SLC9A7: variants seen among roughly 807,000 people sequenced by gnomAD.
SLC9A7 encodes the protein solute carrier family 9 member A7.
A neutral mutation model predicts 52.6 loss-of-function variants in SLC9A7; 19 were observed. The ratio of observed to expected loss-of-function variants is 0.36; its 90% confidence interval spans 0.25 to 0.53. SLC9A7 has a LOEUF of 0.53. SLC9A7 is among the 20% of genes least tolerant of loss of function. The pLI is 0.91. For missense variants in SLC9A7, 455 were observed against 597.9 expected (o/e 0.76, Z 2.49); for synonymous variants, 226 against 252.1 (o/e 0.90, Z 0.98).
At chrX:46,756,359 G>A (rs1556292411) in intron 1 of SLC9A7, among the ~76,000 whole-genome samples, 1 of 111,756 alleles carries the variant, frequency 8.9e-6, no homozygotes, top group East Asian at 2.8e-4. Flanking sequence ...AATCTTTACT[G>A]GATTTACTTG....
rs775961205 is a variant in SLC9A7, at chrX:46,725,860, A to G, written c.325+32845T>C. Reference sequence around the variant, plus strand: ...GAAACCCAAACACTGGAGCAAAACCATAAACCACTTATTTCTTATGAGGAA... The same window carrying G: ...GAAACCCAAACACTGGAGCAAAACCGTAAACCACTTATTTCTTATGAGGAA... On this transcript the variant is annotated intron_variant, in intron 1 of 16. Coordinates refer to ENST00000616978, the MANE Select transcript of SLC9A7 (RefSeq NM_001257291.2). 219 of 495,650 alleles carry G rather than the reference A, an allele frequency of 4.4e-4. 1 individual carries two copies. The South Asian group carries it at 5.6e-3, about 13-fold the overall frequency. 40.8% of individuals were successfully genotyped at this position (495,650 alleles called of 1,213,427 possible). A position where few individuals can be genotyped will look rare whatever the true frequency, so the allele number is the denominator to read the frequency against.
chrX:46,699,481 G>A (rs1569520235), intron 1 of SLC9A7, among the ~76,000 whole-genome samples: 1 of 111,816 alleles, frequency 8.9e-6, no homozygotes, highest in South Asian at 3.7e-4. Flanking sequence ...TTTTTACTGA[G>A]TTCAATATGG....
In SLC9A7 at chrX:46,603,377, T is replaced by C. The variant is rs1942689510; in HGVS notation, c.*3575A>G. ...GGTCTTGGCAATCTACATTTCCTTG[T>C]ATGTGAGTAGATCAGAATCAAATGT... On this transcript the variant is annotated 3_prime_UTR_variant, in exon 17 of 17. Transcript: ENST00000616978. The C allele has an allele frequency of 8.9e-6, 1 of 112,270 alleles. No homozygotes were observed. The highest frequency in any genetic ancestry group is 1.9e-5 in the Non-Finnish European group (1 of 53,272). 9.3% of individuals were successfully genotyped at this position (112,270 alleles called of 1,213,427 possible).
chrX:46,635,904 T>C (rs1187700153), intron 12 of SLC9A7, among the ~76,000 whole-genome samples: 1 of 111,800 alleles, frequency 8.9e-6, no homozygotes, highest in Non-Finnish European at 1.9e-5. Context: ...CCTCAAAATA[T>C]AATGTAATAA....
intron 10 of SLC9A7, among the ~76,000 whole-genome samples, chrX:46,649,558 C>T (rs1382671253): frequency 2.7e-5 from 3 of 111,922 alleles, no homozygotes; most frequent in African/African-American, 9.8e-5. Flanking sequence ...TAGTGCCCAA[C>T]TGAGAGAGCT....
chrX:46,758,612 C>T (rs184309802), intron 1 of SLC9A7, 93 bp downstream of exon 1: 3 of 497,943 alleles, frequency 6.0e-6, no homozygotes, highest in East Asian at 8.7e-5. Flanking sequence ...AAACGGAACA[C>T]GTTGGCAAGT....
chrX:46,711,899 T>TACACAC (rs57570264), intron 1 of SLC9A7, among the ~76,000 whole-genome samples: 5,762 of 91,012 alleles, frequency 0.063, 345 homozygotes, highest in African/African-American at 0.13. Flanking sequence ...GCCTCTAAAT[T>TACACAC]ACACACACAC....
intron 12 of SLC9A7, among the ~76,000 whole-genome samples, chrX:46,640,103 T>G (rs1943383414): frequency 8.9e-6 from 1 of 111,821 alleles, no homozygotes; most frequent in South Asian, 3.7e-4. Flanking sequence ...ATTCCAAAAT[T>G]TATATGGAAA....
chrX:46,642,143 T>C (rs1430371174), intron 12 of SLC9A7, among the ~76,000 whole-genome samples: 1 of 111,935 alleles, frequency 8.9e-6, no homozygotes, highest in Non-Finnish European at 1.9e-5. Context: ...ACACAGGAGA[T>C]GATTCTCTCA....
At chrX:46,633,370 A>C (rs1256475807) in intron 13 of SLC9A7, among the ~76,000 whole-genome samples, 3 of 98,781 alleles carry the variant, frequency 3.0e-5, no homozygotes, top group Non-Finnish European at 6.1e-5. Flanking sequence ...AAAAAAAAAA[A>C]AAAAAAAAAA....
chrX:46,682,882 T>G (rs1602225421), intron 1 of SLC9A7, among the ~76,000 whole-genome samples: 1 of 108,101 alleles, frequency 9.3e-6, no homozygotes, highest in African/African-American at 3.4e-5. Flanking sequence ...CAACCTCCGC[T>G]TCCCAGGTTC....
At chrX:46,758,677 G>C in intron 1 of SLC9A7, 28 bp downstream of exon 1, 2 of 1,070,564 alleles carry the variant, frequency 1.9e-6, no homozygotes, top group Non-Finnish European at 2.5e-6. Flanking sequence ...GGGGTGTGGA[G>C]GGCGGGGGGT....
rs1402685767 is a variant in SLC9A7, at chrX:46,758,687, T to C, written c.325+18A>G. On this transcript the variant is annotated intron_variant, in intron 1 of 16. Transcript: ENST00000616978. The stretch of plus-strand genomic sequence containing the variant: ...GCCGAGGGGTGTGGAGGGCGGGGGG[T>C]GTAACAGGGGTGCTCACCATAGATC... 1.9e-6 allele frequency: 2 copies of C among 1,075,561 alleles called. No homozygotes were observed. Among genetic ancestry groups the C allele is most frequent in the Admixed American group, 5.3e-5 (2 of 37,853 alleles). 88.6% of individuals were successfully genotyped at this position (1,075,561 alleles called of 1,213,427 possible).
chrX:46,721,984 A>T (rs955795357), intron 1 of SLC9A7, among the ~76,000 whole-genome samples: 1 of 112,024 alleles, frequency 8.9e-6, no homozygotes, highest in Non-Finnish European at 1.9e-5. Context: ...ACACTAGAAC[A>T]AATGTGGGTT....
chrX:46,722,575 G>T (rs1375246715), intron 1 of SLC9A7, among the ~76,000 whole-genome samples: 3 of 112,293 alleles, frequency 2.7e-5, no homozygotes, highest in Non-Finnish European at 5.6e-5. Flanking sequence ...ATTTATATTT[G>T]ATTTCTGTAT....
intron 1 of SLC9A7, among the ~76,000 whole-genome samples, chrX:46,753,458 T>C (rs1273974738): frequency 2.7e-5 from 3 of 112,190 alleles, no homozygotes; most frequent in Admixed American, 1.9e-4. Context: ...TTGCTTTTTT[T>C]CCACAACATT....
At chrX:46,750,530 A>C (rs972574121) in intron 1 of SLC9A7, among the ~76,000 whole-genome samples, 3 of 110,900 alleles carry the variant, frequency 2.7e-5, no homozygotes, top group Non-Finnish European at 5.7e-5. Context: ...TTATATTTTT[A>C]ATAGAGACAG....
intron 15 of SLC9A7, among the ~76,000 whole-genome samples, chrX:46,616,834 T>C (rs2048179823): frequency 8.9e-6 from 1 of 111,934 alleles, no homozygotes; most frequent in South Asian, 3.7e-4. Context: ...ATTCTTGCTT[T>C]TTGGAGGTTG....
At chrX:46,707,729 A>G (rs1944625973) in intron 1 of SLC9A7, among the ~76,000 whole-genome samples, 1 of 112,162 alleles carries the variant, frequency 8.9e-6, no homozygotes, top group African/African-American at 3.2e-5. Context: ...AGGTGTGGTG[A>G]CATGTGCCTT....
Sources: gnomAD v4.1 joint callset for allele counts (sites outside exome capture counted in the v4.1 genomes callset) on GRCh38, gnomAD v4.1.1 for gene constraint, MANE v1.5 for transcripts, NCBI Gene and HGNC (gene_info 2026-07-23, HGNC 2026-07-21) for gene names.